LRP1B: variants seen among roughly 807,000 people sequenced by gnomAD.
LRP1B encodes LDL receptor related protein 1B, also known as low-density lipoprotein receptor-related protein 1B.
Under a neutral mutation model 556.6 loss-of-function variants are expected in LRP1B, and 217 were observed. That is an observed-to-expected ratio of 0.39 (90% confidence interval 0.35 to 0.44). LRP1B has a LOEUF of 0.44. Among genes scored for constraint, LRP1B ranks in the 20% least tolerant of loss-of-function variants. The pLI is 1.00. For synonymous variants in LRP1B, 2,047 were observed against 1,865.8 expected, an observed-to-expected ratio of 1.10 and a Z score of -2.50; for missense variants, 5,053 against 5,620.8, an observed-to-expected ratio of 0.90 and a Z score of 3.23.
At chr2:141,000,099 T>C (rs950851208) in intron 15 of LRP1B, among the ~76,000 whole-genome samples, 4 of 151,750 alleles carry the variant, frequency 2.6e-5, no homozygotes, top group African/African-American at 7.3e-5. Context: ...TTTTCTTTTT[T>C]CAAGACACAA....
rs1219544028 is a variant in LRP1B, at chr2:140,748,356, A to T, written c.5758+20857T>A. ...ATATTCATATATTATATTCATATAT[A>T]ATATATATTTATATATGTATATATA... On this transcript the variant is annotated intron_variant, in intron 35 of 90. Coordinates refer to ENST00000389484, the MANE Select transcript of LRP1B (RefSeq NM_018557.3). Among the ~76,000 whole-genome samples the T allele has an allele frequency of 4.1e-4, 39 of 94,758 alleles. 1 individual carries two copies. The highest frequency in any genetic ancestry group is 4.1e-3 in the East Asian group (9 of 2,222). 62.2% of individuals were successfully genotyped at this position (94,758 alleles called of 152,430 possible). A position where few individuals can be genotyped will look rare whatever the true frequency, so the allele number is the denominator to read the frequency against.
chr2:140,300,647 C>T (rs1558782855), intron 83 of LRP1B, among the ~76,000 whole-genome samples: 1 of 152,048 alleles, frequency 6.6e-6, no homozygotes, highest in Non-Finnish European at 1.5e-5. Context: ...TTAGCTCAGA[C>T]ACTAAGAATA....
chr2:140,977,091 G>A (rs1385588080), intron 18 of LRP1B, among the ~76,000 whole-genome samples: 1 of 152,148 alleles, frequency 6.6e-6, no homozygotes, highest in Non-Finnish European at 1.5e-5. Flanking sequence ...ATAGTAATTT[G>A]AGGATGGTGA....
At chr2:141,793,356 C>G (rs1161336169) in intron 2 of LRP1B, among the ~76,000 whole-genome samples, 2 of 151,884 alleles carry the variant, frequency 1.3e-5, no homozygotes, top group Admixed American at 6.6e-5. Context: ...TAAAGGGTAA[C>G]AGTCTACTAC....
intron 2 of LRP1B, among the ~76,000 whole-genome samples, chr2:141,536,055 T>C (rs1685060363): frequency 6.6e-6 from 1 of 152,108 alleles, no homozygotes; most frequent in South Asian, 2.1e-4. Context: ...TAAAATTCAG[T>C]GTAATCAGAC....
At chr2:140,428,298 C>A (rs974493884) in intron 66 of LRP1B, among the ~76,000 whole-genome samples, 4 of 152,288 alleles carry the variant, frequency 2.6e-5, no homozygotes, top group East Asian at 1.9e-4. Flanking sequence ...AGTTGCAATT[C>A]CTTGCCTCCA....
intron 2 of LRP1B, among the ~76,000 whole-genome samples, chr2:141,581,282 G>A (rs1319159915): frequency 6.6e-6 from 1 of 152,142 alleles, no homozygotes; most frequent in Non-Finnish European, 1.5e-5. Flanking sequence ...CTACTTCCAT[G>A]TGAGAATTGT....
chr2:141,108,862 T>C (rs939164713), intron 7 of LRP1B, among the ~76,000 whole-genome samples: 1 of 152,178 alleles, frequency 6.6e-6, no homozygotes, highest in Admixed American at 6.5e-5. Context: ...ATTTAGTTGA[T>C]AGTTTAAATG....
chr2:141,981,540 T>C (rs1436845181), intron 1 of LRP1B, among the ~76,000 whole-genome samples: 4 of 152,126 alleles, frequency 2.6e-5, no homozygotes, highest in Non-Finnish European at 5.9e-5. Context: ...GTTGGCATTT[T>C]ATTCTGTGTT....
At chr2:141,764,729 AGTTT>A (rs1694678390) in intron 2 of LRP1B, among the ~76,000 whole-genome samples, 1 of 152,130 alleles carries the variant, frequency 6.6e-6, no homozygotes, top group Non-Finnish European at 1.5e-5. Flanking sequence ...TTAATAATAC[AGTTT>A]GTTTAACCAA....
chr2:142,041,954 G>A (rs948591891), intron 1 of LRP1B, among the ~76,000 whole-genome samples: 1 of 151,478 alleles, frequency 6.6e-6, no homozygotes, highest in East Asian at 1.9e-4. Context: ...ACTGTGCCTT[G>A]TTGTAGGGGA....
chr2:141,628,447 T>TA (rs552106778), intron 2 of LRP1B, among the ~76,000 whole-genome samples: 100 of 147,858 alleles, frequency 6.8e-4, no homozygotes, highest in African/African-American at 1.6e-3. Context: ...GAATAGGATG[T>TA]AAAAAAAAAA....
At chr2:141,729,017 C>T (rs1693159136) in intron 2 of LRP1B, among the ~76,000 whole-genome samples, 1 of 152,130 alleles carries the variant, frequency 6.6e-6, no homozygotes, top group South Asian at 2.1e-4. Flanking sequence ...CAGCAAGTCC[C>T]CATCTGCTAG....
intron 2 of LRP1B, among the ~76,000 whole-genome samples, chr2:141,622,445 A>T (rs1290084469): frequency 6.6e-6 from 1 of 152,152 alleles, no homozygotes; most frequent in Non-Finnish European, 1.5e-5. Context: ...ACTGTACTCA[A>T]CTTCCTTGTT....
intron 3 of LRP1B, among the ~76,000 whole-genome samples, chr2:141,283,208 T>TA (rs566278708): frequency 2.6e-5 from 4 of 152,192 alleles, no homozygotes; most frequent in African/African-American, 7.2e-5. Context: ...GGTGAAGTGC[T>TA]AAAAAAATAT....
At chr2:141,083,576 C>T (rs1176714485) in intron 7 of LRP1B, among the ~76,000 whole-genome samples, 1 of 152,014 alleles carries the variant, frequency 6.6e-6, no homozygotes, top group Non-Finnish European at 1.5e-5. Context: ...ACCAATGTGG[C>T]GATGTTAAAA....
intron 84 of LRP1B, among the ~76,000 whole-genome samples, chr2:140,278,957 T>C (rs540001634): frequency 6.6e-6 from 1 of 152,104 alleles, no homozygotes; most frequent in African/African-American, 2.4e-5. Flanking sequence ...GCTTAATATT[T>C]GAAGCATGTG....
chr2:141,792,803 T>A (rs780028815), intron 2 of LRP1B, among the ~76,000 whole-genome samples: 1 of 151,920 alleles, frequency 6.6e-6, no homozygotes, highest in Non-Finnish European at 1.5e-5. Context: ...TAAATTTAGA[T>A]CTGGTTATGT....
At chr2:140,614,499 G>A (rs1683190143) in intron 41 of LRP1B, among the ~76,000 whole-genome samples, 1 of 151,914 alleles carries the variant, frequency 6.6e-6, no homozygotes, top group Non-Finnish European at 1.5e-5. Context: ...GAATATTCAG[G>A]GAAAAATAGA....
Sources: gnomAD v4.1 joint callset for allele counts (sites outside exome capture counted in the v4.1 genomes callset) on GRCh38, gnomAD v4.1.1 for gene constraint, MANE v1.5 for transcripts, NCBI Gene and HGNC (gene_info 2026-07-23, HGNC 2026-07-21) for gene names.